The following B3GLCT variants were observed in gnomAD, a reference collection of about 807,000 sequenced individuals.
The protein encoded by B3GLCT is beta 3-glucosyltransferase.
Under a neutral mutation model 63.4 loss-of-function variants are expected in B3GLCT, and 65 were observed. The ratio of observed to expected loss-of-function variants is 1.03; its 90% confidence interval spans 0.84 to 1.26. B3GLCT has a LOEUF of 1.26. B3GLCT is among the 50% of genes most tolerant of loss of function. The pLI is 0.00. For synonymous variants in B3GLCT, 233 were observed against 219.2 expected, an observed-to-expected ratio of 1.06 and a Z score of -0.55; for missense variants, 577 against 604.8, an observed-to-expected ratio of 0.95 and a Z score of 0.48.
At chr13:31,242,204 A>G (rs988422860) in intron 4 of B3GLCT, among the ~76,000 whole-genome samples, 1 of 152,172 alleles carries the variant, frequency 6.6e-6, no homozygotes, top group African/African-American at 2.4e-5. Flanking sequence ...AGGTGGGGCC[A>G]TGATCCCTCG....
At chr13:31,244,535 T>C (rs1871107278) in intron 4 of B3GLCT, among the ~76,000 whole-genome samples, 1 of 152,156 alleles carries the variant, frequency 6.6e-6, no homozygotes, top group Non-Finnish European at 1.5e-5. Flanking sequence ...AAAAATGGTA[T>C]CATTTAGTGA....
intron 6 of B3GLCT, among the ~76,000 whole-genome samples, chr13:31,259,812 T>G (rs1214309208): frequency 6.6e-6 from 1 of 151,934 alleles, no homozygotes; most frequent in African/African-American, 2.4e-5. Flanking sequence ...CCTTTCTGCC[T>G]TTGTTGTTTT....
Position 31,329,554 on chromosome 13 carries a change from G to A in B3GLCT, c.1383G>A (p.Ser461=), listed in dbSNP as rs753527138. Residue 461 remains serine (S), a synonymous_variant, in exon 15 of 15, where the codon TCG becomes TCA. Coordinates refer to ENST00000343307, the MANE Select transcript of B3GLCT (RefSeq NM_194318.4). ...KDYLSHQVPI[S]FHKHWNIDPV... ...ACCTTTCTCATCAAGTTCCCATATC[G>A]TTCCACAAACACTGGAACATCGATC... 1.6e-5 allele frequency: 26 copies of A among 1,614,032 alleles called. No individual in the cohort carries two copies. The highest frequency in any genetic ancestry group is 2.1e-5 in the Non-Finnish European group (25 of 1,180,034).
intron 12 of B3GLCT, among the ~76,000 whole-genome samples, chr13:31,317,253 T>A (rs1012312317): frequency 2.6e-5 from 4 of 152,172 alleles, no homozygotes; most frequent in Admixed American, 6.5e-5. Context: ...CCAACTTCAC[T>A]TCAGTAACCT....
chr13:31,261,697 G>T (rs1872040529), intron 7 of B3GLCT, among the ~76,000 whole-genome samples: 1 of 152,024 alleles, frequency 6.6e-6, no homozygotes, highest in African/African-American at 2.4e-5. Context: ...TGTTCTTTAG[G>T]GAATGGAAAG....
intron 1 of B3GLCT, among the ~76,000 whole-genome samples, chr13:31,214,553 G>A (rs1869455168): frequency 6.6e-6 from 1 of 152,098 alleles, no homozygotes; most frequent in African/African-American, 2.4e-5. Flanking sequence ...GTGCTTGCTG[G>A]TAGCAGTATC....
chr13:31,272,401 A>G (rs1054296020), intron 8 of B3GLCT, among the ~76,000 whole-genome samples: 2 of 151,700 alleles, frequency 1.3e-5, no homozygotes, highest in Non-Finnish European at 2.9e-5. Context: ...TATTTTTAGT[A>G]GAGATGGGGT....
rs367861596 is a variant in B3GLCT at position 31,274,627 on chromosome 13, G to A, written c.779G>A (p.Cys260Tyr). The change falls in exon 9 of 15, where the codon TGT becomes TAT. Residue 260 changes from cysteine to tyrosine, a missense_variant and splice_region_variant. By Grantham distance (194) the Cys-to-Tyr change is radical (BLOSUM62 -2). Transcript: ENST00000343307. Reference protein sequence around the residue: ...ATTFHSFLPLCRKPVKKKDIF... With the variant: ...ATTFHSFLPLYRKPVKKKDIF... ...ACATTCCATTCTTTTCTACCGCTTT[G>A]TGTGAGTAACAGAAGAAAAACTTCT... 6 of 1,614,152 alleles carry A rather than the reference G, an allele frequency of 3.7e-6. No individual in the cohort carries two copies. Among genetic ancestry groups the A allele is most frequent in the Non-Finnish European group, 5.1e-6 (6 of 1,180,020 alleles).
chr13:31,224,301 A>G (rs184733885), intron 3 of B3GLCT, among the ~76,000 whole-genome samples: 78 of 152,166 alleles, frequency 5.1e-4, no homozygotes, highest in African/African-American at 1.7e-3. Context: ...ATTTATTTGT[A>G]GTTTATGGGA....
intron 12 of B3GLCT, 142 bp downstream of exon 12, chr13:31,286,961 CA>C: frequency 3.5e-6 from 2 of 575,346 alleles, no homozygotes; most frequent in Non-Finnish European, 6.2e-6. Context: ...TCTTAAGGAA[CA>C]AAATATATAA....
intron 6 of B3GLCT, among the ~76,000 whole-genome samples, chr13:31,259,282 C>T (rs951850957): frequency 6.6e-6 from 1 of 152,124 alleles, no homozygotes; most frequent in African/African-American, 2.4e-5. Flanking sequence ...GTTTCTTGCT[C>T]TGCTGGGTGA....
chr13:31,261,449 A>G (rs114614651), intron 7 of B3GLCT, among the ~76,000 whole-genome samples: 185 of 152,346 alleles, frequency 1.2e-3, no homozygotes, highest in African/African-American at 4.3e-3. Context: ...TAAGAAAATG[A>G]AGCAGTAACT....
At chr13:31,269,743 A>G (rs1872500057) in intron 8 of B3GLCT, among the ~76,000 whole-genome samples, 1 of 151,876 alleles carries the variant, frequency 6.6e-6, no homozygotes, top group South Asian at 2.1e-4. Flanking sequence ...GCCCTCATCA[A>G]TGGGATTAGC....
chr13:31,217,580 A>G (rs555505869), intron 2 of B3GLCT, among the ~76,000 whole-genome samples: 1 of 152,282 alleles, frequency 6.6e-6, no homozygotes, highest in South Asian at 2.1e-4. Flanking sequence ...TAGGTTTTAC[A>G]TGTAAGTCTT....
intron 12 of B3GLCT, among the ~76,000 whole-genome samples, chr13:31,308,332 TAAA>T (rs555437821): frequency 1.8e-4 from 6 of 32,840 alleles, no homozygotes; most frequent in South Asian, 1.7e-3. Context: ...TAGAGTATAA[TAAA>T]AAAAAAAAAA....
At chr13:31,246,973 T>TTTTTTTTTTTTG in intron 4 of B3GLCT, 50 bp from the exon 5 acceptor site, 1 of 1,235,780 alleles carries the variant, frequency 8.1e-7, no homozygotes, top group Non-Finnish European at 1.2e-6. Flanking sequence ...TTTTACTTTT[T>TTTTTTTTTTTTG]TTCGGAGTAG....
chr13:31,229,605 G>A (rs1338830314), intron 4 of B3GLCT, among the ~76,000 whole-genome samples: 1 of 151,940 alleles, frequency 6.6e-6, no homozygotes, highest in East Asian at 1.9e-4. Context: ...AATTAGCAGG[G>A]CCTGGTGATG....
At chr13:31,292,208 T>G (rs183197930) in intron 12 of B3GLCT, among the ~76,000 whole-genome samples, 36 of 152,268 alleles carry the variant, frequency 2.4e-4, no homozygotes, top group African/African-American at 7.9e-4. Context: ...CTGCTGGATT[T>G]GGTTTGCCAG....
chr13:31,312,543 G>A, intron 12 of B3GLCT: 1 of 152,176 alleles, frequency 6.6e-6, no homozygotes, highest in East Asian at 1.9e-4. Flanking sequence ...AACAAATTTA[G>A]TACAAGAAAG....
Sources: gnomAD v4.1 joint callset for allele counts (sites outside exome capture counted in the v4.1 genomes callset) on GRCh38, gnomAD v4.1.1 for gene constraint, MANE v1.5 for transcripts, NCBI Gene and HGNC (gene_info 2026-07-23, HGNC 2026-07-21) for gene names.